Variants in PROS1 observed in about 807,000 individuals in gnomAD.
The protein encoded by PROS1 is vitamin K-dependent protein S.
Under a neutral mutation model 75.9 loss-of-function variants are expected in PROS1, and 29 were observed. That is an observed-to-expected ratio of 0.38 (90% confidence interval 0.28 to 0.52). The LOEUF (loss-of-function observed/expected upper bound fraction) is 0.52, where lower values mean the gene tolerates loss of function less well. Ranked by LOEUF, PROS1 falls within the 20% of genes least tolerant of loss-of-function variation. The probability of loss-of-function intolerance (pLI) is 0.83; values close to 1 mark genes in which losing one functional copy is unlikely to be tolerated. For synonymous variants in PROS1, 245 were observed against 280.6 expected (o/e 0.87, Z 1.27); for missense variants, 680 against 810.3 (o/e 0.84, Z 1.95).
intron 7 of PROS1, among the ~76,000 whole-genome samples, chr3:93,899,964 T>A (rs1251963435): frequency 1.3e-5 from 2 of 152,160 alleles, no homozygotes; most frequent in Non-Finnish European, 2.9e-5. Context: ...CTAAATCTAT[T>A]TTTTAAAAGG....
At chr3:93,951,528 T>C (rs990561101) in intron 1 of PROS1, among the ~76,000 whole-genome samples, 2 of 152,152 alleles carry the variant, frequency 1.3e-5, no homozygotes, top group African/African-American at 4.8e-5. Flanking sequence ...TAAAATCCTT[T>C]ACAGGCAAGT....
chr3:93,951,154 A>T (rs1307435836), intron 1 of PROS1, among the ~76,000 whole-genome samples: 1 of 152,190 alleles, frequency 6.6e-6, no homozygotes, highest in African/African-American at 2.4e-5. Flanking sequence ...GAATGCAACC[A>T]AGTGGGAAAA....
intron 1 of PROS1, among the ~76,000 whole-genome samples, chr3:93,973,308 A>AGT (rs1255702514): frequency 6.6e-6 from 1 of 152,152 alleles, no homozygotes; most frequent in Non-Finnish European, 1.5e-5. Context: ...GGGAAGACAC[A>AGT]GTGTGTTACC....
chr3:93,875,338 T>A (rs1708165916), intron 14 of PROS1, among the ~76,000 whole-genome samples: 1 of 152,114 alleles, frequency 6.6e-6, no homozygotes, highest in Non-Finnish European at 1.5e-5. Flanking sequence ...AATTTACCCA[T>A]CTCACAGTTT....
At chr3:93,907,102 G>A (rs141631981) in intron 4 of PROS1, among the ~76,000 whole-genome samples, 253 of 152,362 alleles carry the variant, frequency 1.7e-3, no homozygotes, top group African/African-American at 5.9e-3. Flanking sequence ...GGGAAGGCCT[G>A]AGGCCTGTGG....
chr3:93,928,842 G>T, intron 1 of PROS1: 1 of 765,522 alleles, frequency 1.3e-6, no homozygotes, highest in Non-Finnish European at 1.9e-6. Flanking sequence ...CATCACTACA[G>T]AGAATAAACG....
At chr3:93,887,143 C>A (rs9840934) in intron 10 of PROS1, among the ~76,000 whole-genome samples, 1 of 152,002 alleles carries the variant, frequency 6.6e-6, no homozygotes, top group African/African-American at 2.4e-5. Flanking sequence ...TGGTCTCGAT[C>A]TCCTGACCTC....
chr3:93,925,895 T>C (rs540724909), intron 2 of PROS1, among the ~76,000 whole-genome samples: 21 of 152,124 alleles, frequency 1.4e-4, no homozygotes, highest in African/African-American at 5.1e-4. Context: ...GTCATTTTTT[T>C]CTCTTCTGTC....
intron 1 of PROS1, among the ~76,000 whole-genome samples, chr3:93,947,327 C>T (rs1053988629): frequency 6.6e-6 from 1 of 152,098 alleles, no homozygotes; most frequent in African/African-American, 2.4e-5. Context: ...TATACAACTC[C>T]ATTCAGAATA....
In PROS1 at chr3:93,927,123, A is replaced by T. The variant is rs13089004; in HGVS notation, c.234+127T>A. The T allele has an allele frequency of 0.11, 128,077 of 1,198,002 alleles. 7,461 individuals are homozygous for T. Among genetic ancestry groups the T allele is most frequent in the Middle Eastern group, 0.15 (546 of 3,622 alleles). The allele number at this position is 1,198,002 out of a possible 1,614,324, so 74.2% of individuals were successfully genotyped here. On this transcript the variant is annotated intron_variant, in intron 2 of 14. Transcript: ENST00000394236. ...ACTTCCTCCTGAAATGGAAGTGGTT[A>T]TGTGTGGAAGGTGATACACAGAATT...
In PROS1 at chr3:93,892,506, C is replaced by T. The variant is rs1246433417; in HGVS notation, c.1155+427G>A. 2.6e-5 allele frequency among the ~76,000 whole-genome samples: 4 copies of T among 151,792 alleles called. No individual in the cohort carries two copies. In the East Asian group the frequency reaches 7.8e-4, roughly 30 times the overall value. On this transcript the variant is annotated intron_variant, in intron 10 of 14. Transcript: ENST00000394236. The stretch of plus-strand genomic sequence containing the variant: ...GGGCATGGTGGCGCATGCCTGTAAT[C>T]CCAGCTACTCGAGAGGCCAAAACAG...
rs2107140064 is a variant in PROS1 at position 93,886,414 on chromosome 3, C to G, written c.1245G>C (p.Lys415Asn). The G allele has an allele frequency of 6.2e-7, 1 of 1,613,838 alleles. No homozygotes were observed. The highest frequency in any genetic ancestry group is 1.7e-4 in the Middle Eastern group (1 of 6,056). The change falls in exon 11 of 15, where the codon AAG (lysine) becomes AAC (asparagine). Residue 415 changes from lysine (K) to asparagine (N), a missense_variant. Coordinates refer to ENST00000394236, the MANE Select transcript of PROS1 (RefSeq NM_000313.4). ...MDINKPGPLFKPENGLLETKV... is the reference protein window; with the variant it reads ...MDINKPGPLFNPENGLLETKV... ...TGGTTTCCAGCAATCCATTTTCCGG[C>G]TTAAAAAGGGGTCCAGGTTTATTTA...
chr3:93,880,065 A>T (rs185151590), intron 12 of PROS1, among the ~76,000 whole-genome samples: 1 of 152,344 alleles, frequency 6.6e-6, no homozygotes, highest in African/African-American at 2.4e-5. Context: ...ATTTAATATG[A>T]TGTAACATAC....
chr3:93,970,359 C>T (rs906375491), intron 1 of PROS1, among the ~76,000 whole-genome samples: 1 of 152,076 alleles, frequency 6.6e-6, no homozygotes, highest in Non-Finnish European at 1.5e-5. Flanking sequence ...TTTTTGGAGA[C>T]AGGATCTCGC....
chr3:93,934,532 A>T (rs1305538768), intron 1 of PROS1, among the ~76,000 whole-genome samples: 8 of 152,250 alleles, frequency 5.3e-5, no homozygotes, highest in Non-Finnish European at 2.9e-5. Context: ...GGGTTAAAGA[A>T]CATTCTGTAA....
intron 8 of PROS1, among the ~76,000 whole-genome samples, chr3:93,896,953 C>A (rs1262765871): frequency 2.0e-5 from 3 of 152,070 alleles, no homozygotes; most frequent in Non-Finnish European, 4.4e-5. Flanking sequence ...GTCTTTAATA[C>A]TTCCTTTGCA....
At chr3:93,935,465 T>C (rs1709168461) in intron 1 of PROS1, among the ~76,000 whole-genome samples, 1 of 152,198 alleles carries the variant, frequency 6.6e-6, no homozygotes, top group Non-Finnish European at 1.5e-5. Flanking sequence ...ATATTAGTTC[T>C]GTGGCCTGGG....
intron 10 of PROS1, among the ~76,000 whole-genome samples, chr3:93,891,504 T>G (rs1488324327): frequency 6.6e-6 from 1 of 152,170 alleles, no homozygotes; most frequent in East Asian, 1.9e-4. Flanking sequence ...CTCGGCTCAC[T>G]GCAACCTCCG....
intron 2 of PROS1, among the ~76,000 whole-genome samples, chr3:93,925,809 C>A: frequency 7.7e-6 from 1 of 130,198 alleles, no homozygotes; most frequent in African/African-American, 2.8e-5. Flanking sequence ...GGCAACAGAG[C>A]AAGACCCTGT....
Sources: gnomAD v4.1 joint callset for allele counts (sites outside exome capture counted in the v4.1 genomes callset) on GRCh38, gnomAD v4.1.1 for gene constraint, MANE v1.5 for transcripts, NCBI Gene and HGNC (gene_info 2026-07-23, HGNC 2026-07-21) for gene names.